The following TNKS variants were observed in gnomAD, a reference collection of about 807,000 sequenced individuals.
TNKS encodes the protein poly [ADP-ribose] polymerase tankyrase-1.
A neutral mutation model predicts 135.8 loss-of-function variants in TNKS; 72 were observed. That is an observed-to-expected ratio of 0.53 (90% CI 0.44 to 0.64). TNKS has a LOEUF of 0.64. Ranked by LOEUF, TNKS falls within the 30% of genes least tolerant of loss-of-function variation. TNKS has a pLI of 0.00. For missense variants in TNKS, 1,769 were observed against 1,674.0 expected, an observed-to-expected ratio of 1.06 and a Z score of -0.99; for synonymous variants, 849 against 649.3, an observed-to-expected ratio of 1.31 and a Z score of -4.68.
intron 3 of TNKS, among the ~76,000 whole-genome samples, chr8:9,617,984 GTTTTTTT>G (rs33956228): frequency 1.1e-5 from 1 of 94,016 alleles, no homozygotes; most frequent in African/African-American, 4.2e-5. Context: ...CTCTTTTTTG[GTTTTTTT>G]TTTTTTTTTT....
In TNKS at chr8:9,556,280, C is replaced by T. The variant is rs1390700480; in HGVS notation, c.341C>T (p.Ala114Val). The part of the protein sequence containing the change: ...VVPAVSTSSA[A>V]GVAPNPAGSG... ...CCAGCGGTTTCTACTTCATCTGCCG[C>T]TGGGGTCGCTCCCAACCCAGCCGGC... The change falls in exon 1 of 27, where the codon GCT (alanine) becomes GTT (valine). Residue 114 changes from alanine to valine, a missense_variant. By Grantham distance (64) the Ala-to-Val change is moderately conservative. Transcript: ENST00000310430. 1 of 1,614,270 alleles carries T rather than the reference C, an allele frequency of 6.2e-7. No homozygotes were observed. Among genetic ancestry groups the T allele is most frequent in the South Asian group, 1.1e-5 (1 of 91,090 alleles).
chr8:9,586,968 T>C (rs775064091), intron 2 of TNKS, among the ~76,000 whole-genome samples: 6 of 152,124 alleles, frequency 3.9e-5, no homozygotes, highest in Non-Finnish European at 7.4e-5. Context: ...ACCATATACA[T>C]ATAATGTTAT....
chr8:9,576,090 G>T (rs1797933755), intron 1 of TNKS, among the ~76,000 whole-genome samples: 1 of 152,126 alleles, frequency 6.6e-6, no homozygotes, highest in South Asian at 2.1e-4. Context: ...CTGTCCTCAT[G>T]GCCAGTCACT....
At chr8:9,569,386 C>G (rs1156985860) in intron 1 of TNKS, among the ~76,000 whole-genome samples, 1 of 152,160 alleles carries the variant, frequency 6.6e-6, no homozygotes, top group African/African-American at 2.4e-5. Context: ...TCCATAAGCT[C>G]CTGTCCTATG....
intron 3 of TNKS, among the ~76,000 whole-genome samples, chr8:9,621,692 C>T (rs1236953695): frequency 6.6e-6 from 1 of 152,102 alleles, no homozygotes; most frequent in Non-Finnish European, 1.5e-5. Context: ...ACATGTTTTA[C>T]TGTCAGACTA....
intron 3 of TNKS, among the ~76,000 whole-genome samples, chr8:9,626,847 G>C (rs912525137): frequency 2.0e-5 from 3 of 152,188 alleles, no homozygotes; most frequent in African/African-American, 7.2e-5. Context: ...TATAAAATGT[G>C]TTTTTGGTCT....
chr8:9,766,809 G>A lies in TNKS; in HGVS notation c.3740+384G>A, dbSNP rs1807477392. Among the ~76,000 whole-genome samples, 8 of 152,116 alleles carry A rather than the reference G, an allele frequency of 5.3e-5. No individual in the cohort carries two copies. In the South Asian group the frequency reaches 1.7e-3, roughly 32 times the overall value. On this transcript the variant is annotated intron_variant, in intron 25 of 26. Coordinates refer to ENST00000310430, the MANE Select transcript of TNKS (RefSeq NM_003747.3). Reference sequence around the variant, plus strand: ...CCAAATTGGTTTATCAGGCTCTGCAGAAGTCACAGATTATCCTCAGTCTTG... The same window carrying A: ...CCAAATTGGTTTATCAGGCTCTGCAAAAGTCACAGATTATCCTCAGTCTTG...
chr8:9,575,161 A>G, intron 1 of TNKS: 1 of 788,026 alleles, frequency 1.3e-6, no homozygotes, highest in Non-Finnish European at 1.5e-6. Context: ...ATCTCGGCTC[A>G]TTGCAAGCTC....
intron 5 of TNKS, among the ~76,000 whole-genome samples, chr8:9,681,424 T>C (rs1054811163): frequency 2.0e-5 from 3 of 152,164 alleles, no homozygotes; most frequent in Non-Finnish European, 4.4e-5. Flanking sequence ...TTATCTACTT[T>C]GTATTCTTGC....
chr8:9,657,480 C>T (rs1341102166), intron 3 of TNKS, among the ~76,000 whole-genome samples: 3 of 87,778 alleles, frequency 3.4e-5, no homozygotes, highest in Non-Finnish European at 7.5e-5. Context: ...GGGGGCTGAC[C>T]CCCCCACCTC....
chr8:9,726,038 G>A (rs1411428183), intron 12 of TNKS, among the ~76,000 whole-genome samples: 1 of 152,120 alleles, frequency 6.6e-6, no homozygotes, highest in East Asian at 1.9e-4. Context: ...GCCCTTTTCT[G>A]TTCACTGATT....
intron 2 of TNKS, among the ~76,000 whole-genome samples, chr8:9,583,164 C>CAAA (rs35527299): frequency 1.5e-4 from 11 of 71,712 alleles, no homozygotes; most frequent in African/African-American, 4.1e-4. Context: ...GACTCTGTCT[C>CAAA]AAAAAAAAAA....
Position 9,741,777 on chromosome 8 carries a change from C to A in TNKS, c.2644-6247C>A, listed in dbSNP as rs115326940. 436 of 493,140 alleles carry A rather than the reference C, an allele frequency of 8.8e-4. 2 individuals are homozygous for A. The highest frequency in any genetic ancestry group is 7.6e-3 in the African/African-American group (393 of 51,524). 30.5% of individuals were successfully genotyped at this position (493,140 alleles called of 1,614,324 possible). A position where few individuals can be genotyped will look rare whatever the true frequency, so the allele number is the denominator to read the frequency against. ...AATGTAGAGTACTGGTCGACCTTGT[C>A]TAACTTCACGTTCCCTTGAGGCTGA... On this transcript the variant is annotated intron_variant, in intron 17 of 26. Transcript: ENST00000310430.
chr8:9,587,397 ATT>A (rs71201955), intron 2 of TNKS, among the ~76,000 whole-genome samples: 7 of 141,386 alleles, frequency 5.0e-5, no homozygotes, highest in Non-Finnish European at 6.2e-5. Context: ...CGACACCTTG[ATT>A]TTTTTTTTTT....
At chr8:9,590,707 G>T (rs955253792) in intron 2 of TNKS, among the ~76,000 whole-genome samples, 9 of 152,118 alleles carry the variant, frequency 5.9e-5, no homozygotes, top group African/African-American at 2.2e-4. Flanking sequence ...TTTGCCATTT[G>T]TATGTATTCT....
chr8:9,721,780 A>G (rs13269437), intron 12 of TNKS, among the ~76,000 whole-genome samples: 1 of 151,880 alleles, frequency 6.6e-6, no homozygotes, highest in East Asian at 1.9e-4. Context: ...TAGATCGGGC[A>G]TGGTGGCTGA....
chr8:9,769,163 C>T (rs929209132), intron 25 of TNKS, among the ~76,000 whole-genome samples: 6 of 152,170 alleles, frequency 3.9e-5, no homozygotes, highest in African/African-American at 1.2e-4. Flanking sequence ...GCCCTTGTAG[C>T]GCAAAAGCAA....
intron 3 of TNKS, among the ~76,000 whole-genome samples, chr8:9,627,784 A>G (rs1036773219): frequency 6.6e-6 from 1 of 152,204 alleles, no homozygotes; most frequent in Non-Finnish European, 1.5e-5. Context: ...ATTTCACTTT[A>G]TAATCATAAC....
At chr8:9,640,181 TAAAGA>T in intron 3 of TNKS, among the ~76,000 whole-genome samples, 1 of 152,346 alleles carries the variant, frequency 6.6e-6, no homozygotes, top group South Asian at 2.1e-4. Context: ...GGGTGATTTA[TAAAGA>T]AAAGAATTTT....
Sources: gnomAD v4.1 joint callset for allele counts (sites outside exome capture counted in the v4.1 genomes callset) on GRCh38, gnomAD v4.1.1 for gene constraint, MANE v1.5 for transcripts, NCBI Gene and HGNC (gene_info 2026-07-23, HGNC 2026-07-21) for gene names.